The following UBE2Q1 variants were observed in gnomAD, a reference collection of about 807,000 sequenced individuals.
UBE2Q1 encodes the protein ubiquitin-conjugating enzyme E2 Q1.
In UBE2Q1, 6 loss-of-function variants were observed where a neutral mutation model predicts 60.1. The observed-to-expected ratio is 0.10, with a 90% CI of 0.05 to 0.20. The LOEUF (loss-of-function observed/expected upper bound fraction) is 0.20. Among genes scored for constraint, UBE2Q1 ranks in the 10% least tolerant of loss-of-function variants. The probability of loss-of-function intolerance (pLI) is 1.00; values close to 1 mark genes in which losing one functional copy is unlikely to be tolerated. For synonymous variants in UBE2Q1, 226 were observed against 208.3 expected, an observed-to-expected ratio of 1.09 and a Z score of -0.73; for missense variants, 262 against 525.8, an observed-to-expected ratio of 0.50 and a Z score of 4.91.
intron 4 of UBE2Q1, among the ~76,000 whole-genome samples, chr1:154,553,939 G>A (rs1178307792): frequency 6.6e-6 from 1 of 152,132 alleles, no homozygotes; most frequent in African/African-American, 2.4e-5. Context: ...AACCTTACAC[G>A]GTTATAGAAC....
rs1360882504 is a variant in UBE2Q1, at chr1:154,552,450, C to T, written c.829G>A (p.Glu277Lys). The T allele has an allele frequency of 1.9e-6, 3 of 1,614,126 alleles. No individual in the cohort carries two copies. The highest frequency in any genetic ancestry group is 8.5e-7 in the Non-Finnish European group (1 of 1,180,022). ...QSFKGGNYAV[E>K]LVNDSLYDWN... ...TCATACAGACTGTCATTCACGAGTT[C>T]GACTGCATAGTTTCCTGGAAGGAGG... Residue 277 changes from glutamate to lysine, a missense_variant, in exon 7 of 13, where the codon GAA becomes AAA. By Grantham distance (56) the Glu-to-Lys change is moderately conservative. This residue lies in a region of UBE2Q1 where 111 missense variants were observed against 266.8 expected (regional missense o/e 0.42). Coordinates refer to ENST00000292211, the MANE Select transcript of UBE2Q1 (RefSeq NM_017582.7).
chr1:154,549,666 AT>A lies in UBE2Q1; in HGVS notation c.*771del, dbSNP rs1695759023. 6.6e-6 allele frequency: 1 copy of A among 152,668 alleles called. No homozygotes were observed. The highest frequency in any genetic ancestry group is 1.5e-5 in the Non-Finnish European group (1 of 68,048). The allele number at this position is 152,668 out of a possible 1,614,324, so 9.5% of individuals were successfully genotyped here. A position where few individuals can be genotyped will look rare whatever the true frequency, so the allele number is the denominator to read the frequency against. ...GAGCCTCATTTTCTTTTTCTTAGAA[AT>A]TTGAAAACATCTGTGACTAGAAAAG... On this transcript the variant is annotated 3_prime_UTR_variant, in exon 13 of 13. Transcript: ENST00000292211.
chr1:154,555,407 C>T lies in UBE2Q1; in HGVS notation c.537+21G>A, dbSNP rs200486029. 32 of 1,609,428 alleles carry T rather than the reference C, an allele frequency of 2.0e-5. No individual in the cohort carries two copies. The Admixed American group carries it at 2.3e-4, about 12-fold the overall frequency. ...TGGGGCAACTCTGCACAACAGGGCC[C>T]GAGGCTCCTCAGCTGCTCACCTGCT... On this transcript the variant is annotated intron_variant, in intron 3 of 12. Transcript: ENST00000292211.
At chr1:154,556,107 G>T in intron 1 of UBE2Q1, 143 bp from the exon 2 acceptor site, 1 of 625,534 alleles carries the variant, frequency 1.6e-6, no homozygotes, top group South Asian at 1.9e-5. Context: ...CCCAACTTAG[G>T]TCAGCATCTA....
Position 154,555,944 on chromosome 1 carries a change from G to A in UBE2Q1, c.348C>T (p.Pro116=). 4.3e-6 allele frequency: 7 copies of A among 1,614,050 alleles called. No homozygotes were observed. The highest frequency in any genetic ancestry group is 1.1e-5 in the South Asian group (1 of 91,072). ...CNITESYPAV[P]PIWSVESDDP... ...CATCAGACTCCACCGACCAGATGGG[G>A]GGCACAGCAGGGTATGACTCCTGAA... The change falls in exon 2 of 13, where the codon CCC becomes CCT. Residue 116 remains proline, a synonymous_variant. Coordinates refer to ENST00000292211, the MANE Select transcript of UBE2Q1 (RefSeq NM_017582.7).
At chr1:154,557,577 T>C (rs11578203) in intron 1 of UBE2Q1, among the ~76,000 whole-genome samples, 3 of 152,006 alleles carry the variant, frequency 2.0e-5, no homozygotes, top group Non-Finnish European at 2.9e-5. Flanking sequence ...GACATATCCA[T>C]AGGGAACAGG....
In UBE2Q1 at chr1:154,551,148, G is replaced by A. The variant is rs944184318; in HGVS notation, c.1171-144C>T. 3.8e-5 allele frequency: 38 copies of A among 1,000,078 alleles called. No individual in the cohort carries two copies. The East Asian group carries it at 7.2e-4, about 19-fold the overall frequency. 62.0% of individuals were successfully genotyped at this position (1,000,078 alleles called of 1,614,324 possible). A position where few individuals can be genotyped will look rare whatever the true frequency, so the allele number is the denominator to read the frequency against. The stretch of plus-strand genomic sequence containing the variant: ...AAAACACTAAGTACCCTCCACCTTC[G>A]AGGTCCCTTGGAGGCATAATCCCAT... On this transcript the variant is annotated intron_variant, in intron 11 of 12. Coordinates refer to ENST00000292211, the MANE Select transcript of UBE2Q1 (RefSeq NM_017582.7).
At chr1:154,552,859 T>C in intron 5 of UBE2Q1, 39 bp from the exon 6 acceptor site, 1 of 1,611,608 alleles carries the variant, frequency 6.2e-7, no homozygotes, top group Non-Finnish European at 8.5e-7. Context: ...CTTGGTCGTG[T>C]GGTTTATAAA....
At chr1:154,550,667 A>G in intron 12 of UBE2Q1, 198 bp from the exon 13 acceptor site, 1 of 985,326 alleles carries the variant, frequency 1.0e-6, no homozygotes, top group Non-Finnish European at 1.2e-6. Context: ...CCAACCTGAG[A>G]TGATGGGAGA....
chr1:154,550,908 G>C, intron 12 of UBE2Q1, 30 bp downstream of exon 12: 2 of 1,613,972 alleles, frequency 1.2e-6, no homozygotes, highest in Non-Finnish European at 8.5e-7. Flanking sequence ...GCAAGTGTCC[G>C]AATCTCCTGA....
intron 5 of UBE2Q1, 45 bp downstream of exon 5, chr1:154,552,987 T>C: frequency 6.2e-7 from 1 of 1,609,360 alleles, no homozygotes; most frequent in Non-Finnish European, 8.5e-7. Flanking sequence ...TTCCCAGCCA[T>C]TTCCCACCAA....
intron 4 of UBE2Q1, 103 bp from the exon 5 acceptor site, chr1:154,553,275 G>C: frequency 6.9e-7 from 1 of 1,458,650 alleles, no homozygotes; most frequent in Non-Finnish European, 9.1e-7. Flanking sequence ...AGAGCCAAAA[G>C]TTAAAGTGAA....
At chr1:154,555,395 C>T in intron 3 of UBE2Q1, 33 bp downstream of exon 3, 1 of 1,592,968 alleles carries the variant, frequency 6.3e-7, no homozygotes, top group Non-Finnish European at 8.6e-7. Flanking sequence ...GGCAACTCTG[C>T]ACAACAGGGC....
At chr1:154,551,602 G>C in intron 10 of UBE2Q1, 110 bp from the exon 11 acceptor site, 2 of 1,448,910 alleles carry the variant, frequency 1.4e-6, no homozygotes, top group Non-Finnish European at 1.9e-6. Context: ...CTTGCCCTTT[G>C]CCCCCAGCAC....
intron 3 of UBE2Q1, chr1:154,555,013 A>C: frequency 1.8e-6 from 1 of 548,204 alleles, no homozygotes; most frequent in Non-Finnish European, 3.3e-6. Context: ...GAAAAGCAAA[A>C]TGGCTGTCTC....
chr1:154,552,243 C>T (rs1695802278), intron 7 of UBE2Q1, 60 bp from the exon 8 acceptor site: 3 of 1,604,574 alleles, frequency 1.9e-6, no homozygotes, highest in East Asian at 2.2e-5. Context: ...TTCATAAGGG[C>T]TCCCCTGCCC....
intron 2 of UBE2Q1, 48 bp from the exon 3 acceptor site, chr1:154,555,580 C>T (rs1352130101): frequency 6.5e-7 from 1 of 1,549,068 alleles, no homozygotes; most frequent in Non-Finnish European, 8.9e-7. Context: ...CCACTCCGAT[C>T]TGGATAAGTG....
At chr1:154,550,899 C>A in intron 12 of UBE2Q1, 39 bp downstream of exon 12, 2 of 1,613,870 alleles carry the variant, frequency 1.2e-6, no homozygotes, top group Non-Finnish European at 1.7e-6. Context: ...CTGGGTGTGG[C>A]AAGTGTCCGA....
intron 1 of UBE2Q1, among the ~76,000 whole-genome samples, chr1:154,557,565 TG>T (rs1157843386): frequency 6.6e-6 from 1 of 151,992 alleles, no homozygotes; most frequent in Non-Finnish European, 1.5e-5. Flanking sequence ...CCAGGGCAAA[TG>T]GACATATCCA....
Sources: allele counts gnomAD v4.1 joint callset (sites outside exome capture counted in the v4.1 genomes callset), GRCh38; gene constraint gnomAD v4.1.1; regional missense constraint gnomAD v4.1.1; transcripts MANE v1.5; gene names NCBI Gene and HGNC (gene_info 2026-07-23, HGNC 2026-07-21).